ZNF680: variants seen among roughly 807,000 people sequenced by gnomAD.
ZNF680 encodes the protein hypothetical protein FLJ90430.
In ZNF680, 6 loss-of-function variants were observed where a neutral mutation model predicts 12.1. That is an observed-to-expected ratio of 0.49 (90% CI 0.27 to 0.98). ZNF680 has a LOEUF of 0.98. Among genes scored for constraint, ZNF680 ranks in the 50% least tolerant of loss-of-function variants. The pLI, the probability that ZNF680 is intolerant of heterozygous loss-of-function variation, is 0.12. For synonymous variants in ZNF680, 170 were observed against 199.3 expected (o/e 0.85, Z 1.24); for missense variants, 561 against 616.3 (o/e 0.91, Z 0.95).
At chr7:64,529,464 A>G (rs919271367) in intron 3 of ZNF680, among the ~76,000 whole-genome samples, 3 of 152,214 alleles carry the variant, frequency 2.0e-5, no homozygotes, top group Non-Finnish European at 2.9e-5. Context: ...AACATAAAGA[A>G]AAAACAATCA....
chr7:64,505,829 G>A, the ZNF680 span, among the ~76,000 whole-genome samples: 4 of 150,132 alleles, frequency 2.7e-5, no homozygotes, highest in Admixed American at 6.7e-5. Flanking sequence ...GAAGCACCAT[G>A]TGGGAGGCAG....
Position 64,521,725 on chromosome 7 carries a change from A to C in ZNF680, c.1029T>G (p.Ile343Met), listed in dbSNP as rs752155007. 1 of 1,612,684 alleles carries C rather than the reference A, an allele frequency of 6.2e-7. No homozygotes were observed. The highest frequency in any genetic ancestry group is 1.1e-5 in the South Asian group (1 of 91,052). Residue 343 changes from isoleucine to methionine, a missense_variant, in exon 4 of 4, where the codon ATT (isoleucine) becomes ATG (methionine). Transcript: ENST00000309683. ...ATTTGTAGGGTTTCTCTCCAGTATGAATTTTCTTATGTTTAGTAAGGTTTG... is the reference window on the plus strand; with the variant it reads ...ATTTGTAGGGTTTCTCTCCAGTATGCATTTTCTTATGTTTAGTAAGGTTTG... ...QFSNLTKHKK[I>M]HTGEKPYKCE... is the part of the protein sequence containing the mutation.
the ZNF680 span, among the ~76,000 whole-genome samples, chr7:64,510,501 G>GC: frequency 3.3e-5 from 5 of 151,822 alleles, no homozygotes; most frequent in Non-Finnish European, 5.9e-5. Context: ...ATCTAATTTT[G>GC]CTCAGCCTCA....
At chr7:64,518,418 C>T (rs531363859), downstream of ZNF680, among the ~76,000 whole-genome samples, 10 of 151,942 alleles carry the variant, frequency 6.6e-5, no homozygotes, top group African/African-American at 1.9e-4. Flanking sequence ...AAAGAAATCA[C>T]GGACGACACA....
the ZNF680 span, among the ~76,000 whole-genome samples, chr7:64,512,185 C>T: frequency 2.4e-4 from 36 of 152,050 alleles, no homozygotes; most frequent in African/African-American, 8.0e-4. Flanking sequence ...CACAGTGGCT[C>T]ATGCCTGTAA....
At chr7:64,501,343 T>C in the ZNF680 span, 2 of 1,230,074 alleles carry the variant, frequency 1.6e-6, no homozygotes, top group East Asian at 2.4e-5. Context: ...TGGCTTCAAT[T>C]CTAAGAGTGG....
Position 64,543,810 on chromosome 7 carries a change from A to G in ZNF680, c.158-8T>C. 1 of 1,609,722 alleles carries G rather than the reference A, an allele frequency of 6.2e-7. No individual in the cohort carries two copies. The highest frequency in any genetic ancestry group is 8.5e-7 in the Non-Finnish European group (1 of 1,176,902). On this transcript the variant is annotated splice_polypyrimidine_tract_variant and splice_region_variant and intron_variant, in intron 2 of 3. Coordinates refer to ENST00000309683, the MANE Select transcript of ZNF680 (RefSeq NM_178558.5). ...GCTTAGAGACAGCAATACCTGTTTT[A>G]TTAAAAATAAATAACATGAATCTTG...
chr7:64,512,316 G>C, the ZNF680 span, among the ~76,000 whole-genome samples: 1 of 151,704 alleles, frequency 6.6e-6, no homozygotes, highest in African/African-American at 2.4e-5. Flanking sequence ...AGCTGGGCTT[G>C]GTGGCGTGCG....
At chr7:64,536,426 A>T (rs1474784369) in intron 3 of ZNF680, among the ~76,000 whole-genome samples, 3 of 152,214 alleles carry the variant, frequency 2.0e-5, no homozygotes, top group Non-Finnish European at 4.4e-5. Flanking sequence ...GACATATCAC[A>T]TGGTAAGAGA....
intron 3 of ZNF680, among the ~76,000 whole-genome samples, chr7:64,527,670 G>A (rs1026699924): frequency 4.0e-5 from 6 of 151,784 alleles, no homozygotes; most frequent in Non-Finnish European, 8.8e-5. Flanking sequence ...ACTCCGGCCT[G>A]AGCAACAACA....
chr7:64,535,892 C>T (rs1054001175), intron 3 of ZNF680, among the ~76,000 whole-genome samples: 6 of 151,866 alleles, frequency 4.0e-5, no homozygotes, highest in African/African-American at 7.3e-5. Flanking sequence ...TGCAGTGAGT[C>T]GAGATCACAC....
chr7:64,556,259 TAAAAAAA>T (rs58056053), intron 1 of ZNF680, among the ~76,000 whole-genome samples: 4 of 88,498 alleles, frequency 4.5e-5, no homozygotes, highest in Admixed American at 1.2e-4. Flanking sequence ...TTCACGGAAC[TAAAAAAA>T]AAAAAAAAAA....
At chr7:64,526,097 T>C (rs1170129430) in intron 3 of ZNF680, 8 of 942,428 alleles carry the variant, frequency 8.5e-6, no homozygotes, top group African/African-American at 5.3e-5. Flanking sequence ...AAAACAAAAA[T>C]ATAAAATTCC....
chr7:64,501,878 C>G, the ZNF680 span: 3 of 492,276 alleles, frequency 6.1e-6, no homozygotes, highest in East Asian at 4.1e-5. Context: ...TATTGCCCTG[C>G]ACCTAGGTCC....
chr7:64,499,192 T>C, the ZNF680 span, among the ~76,000 whole-genome samples: 1 of 152,228 alleles, frequency 6.6e-6, no homozygotes, highest in East Asian at 1.9e-4. Context: ...GATTTTGTTC[T>C]TATTTTTAAA....
At chr7:64,507,055 C>T in the ZNF680 span, among the ~76,000 whole-genome samples, 3 of 152,050 alleles carry the variant, frequency 2.0e-5, no homozygotes, top group Non-Finnish European at 4.4e-5. Flanking sequence ...TAGACAAATA[C>T]ATATTTATAT....
At chr7:64,557,153 A>T (rs1372512070) in intron 1 of ZNF680, among the ~76,000 whole-genome samples, 2 of 152,008 alleles carry the variant, frequency 1.3e-5, no homozygotes, top group Non-Finnish European at 2.9e-5. Context: ...CCGGAGGCTG[A>T]GGCAGGAGAA....
the ZNF680 span, among the ~76,000 whole-genome samples, chr7:64,510,141 G>A: frequency 1.3e-5 from 2 of 150,956 alleles, no homozygotes; most frequent in African/African-American, 4.9e-5. Flanking sequence ...GGAAAAAAGG[G>A]TAGAACAAGA....
chr7:64,510,906 T>G, the ZNF680 span, among the ~76,000 whole-genome samples: 1 of 103,796 alleles, frequency 9.6e-6, no homozygotes, highest in African/African-American at 4.6e-5. Context: ...CGAGACTCCG[T>G]CTCAAAAAAA....
Sources: allele counts gnomAD v4.1 joint callset (sites outside exome capture counted in the v4.1 genomes callset), GRCh38; gene constraint gnomAD v4.1.1; transcripts MANE v1.5; gene names NCBI Gene and HGNC (gene_info 2026-07-23, HGNC 2026-07-21).